FSIP1: variants seen among roughly 807,000 people sequenced by gnomAD.
FSIP1 encodes fibrous sheath-interacting protein 1.
In FSIP1, 65 loss-of-function variants were observed where a neutral mutation model predicts 60.9. That is an observed-to-expected ratio of 1.07 (90% confidence interval 0.87 to 1.31). FSIP1 has a LOEUF of 1.31. FSIP1 is among the 40% of genes most tolerant of loss of function. FSIP1 has a pLI of 0.00. For synonymous variants in FSIP1, 209 were observed against 221.2 expected (o/e 0.94, Z 0.49); for missense variants, 675 against 665.5 (o/e 1.01, Z -0.16).
chr15:39,704,993 T>G (rs895414485), intron 10 of FSIP1, among the ~76,000 whole-genome samples: 1 of 152,054 alleles, frequency 6.6e-6, no homozygotes, highest in African/African-American at 2.4e-5. Flanking sequence ...AGAATGTGGA[T>G]AGAAATAGTA....
chr15:39,633,137 C>T (rs969499804), intron 10 of FSIP1, among the ~76,000 whole-genome samples: 5 of 136,538 alleles, frequency 3.7e-5, no homozygotes, highest in Non-Finnish European at 6.0e-5. Flanking sequence ...TATCGCCAGG[C>T]TGGAGTGCAG....
chr15:39,737,564 C>T (rs556131371), intron 8 of FSIP1, among the ~76,000 whole-genome samples: 2 of 152,152 alleles, frequency 1.3e-5, no homozygotes, highest in African/African-American at 4.8e-5. Flanking sequence ...GTAAACACTG[C>T]TTAGAATGAC....
At chr15:39,718,642 G>A (rs1239058584) in intron 9 of FSIP1, among the ~76,000 whole-genome samples, 1 of 151,798 alleles carries the variant, frequency 6.6e-6, no homozygotes, top group Non-Finnish European at 1.5e-5. Context: ...GACTACAGGT[G>A]CACACCACCT....
intron 8 of FSIP1, among the ~76,000 whole-genome samples, chr15:39,728,331 G>A (rs575150166): frequency 6.6e-6 from 1 of 152,182 alleles, no homozygotes; most frequent in African/African-American, 2.4e-5. Context: ...GATAGCCAAG[G>A]CAATCCTAAG....
intron 1 of FSIP1, among the ~76,000 whole-genome samples, chr15:39,777,571 A>C (rs1898105629): frequency 1.3e-5 from 2 of 152,196 alleles, no homozygotes; most frequent in Admixed American, 6.5e-5. Context: ...GGGTGGCATA[A>C]GCTACAGAGA....
chr15:39,700,399 C>T (rs1405013647), intron 10 of FSIP1, among the ~76,000 whole-genome samples: 3 of 152,050 alleles, frequency 2.0e-5, no homozygotes, highest in Non-Finnish European at 4.4e-5. Context: ...CAGTCTCAGC[C>T]TCTCCCACTA....
intron 10 of FSIP1, among the ~76,000 whole-genome samples, chr15:39,699,670 C>T (rs548156509): frequency 2.0e-5 from 3 of 152,248 alleles, no homozygotes; most frequent in African/African-American, 7.2e-5. Context: ...TCCTGTCATC[C>T]AGAGTGGATG....
intron 10 of FSIP1, among the ~76,000 whole-genome samples, chr15:39,674,495 T>A (rs910283634): frequency 6.6e-6 from 1 of 151,938 alleles, no homozygotes; most frequent in Non-Finnish European, 1.5e-5. Flanking sequence ...CTATCAGATA[T>A]CAGCATTTCT....
At chr15:39,743,768 C>A (rs1476530730) in intron 5 of FSIP1, among the ~76,000 whole-genome samples, 2 of 152,232 alleles carry the variant, frequency 1.3e-5, no homozygotes, top group Admixed American at 1.3e-4. Context: ...CACCGTCATG[C>A]ACTTCCTGAT....
intron 10 of FSIP1, among the ~76,000 whole-genome samples, chr15:39,668,036 CA>C (rs1195302012): frequency 2.6e-5 from 4 of 152,126 alleles, no homozygotes; most frequent in Non-Finnish European, 4.4e-5. Context: ...AATAAACCTA[CA>C]GCAGACAGGA....
rs1891299856 is a variant in FSIP1 at position 39,617,984 on chromosome 15, G to C, written c.1450C>G (p.Leu484Val). The change falls in exon 11 of 12, where the codon CTC becomes GTC. Residue 484 changes from leucine (L) to valine (V), a missense_variant. Coordinates refer to ENST00000350221, the MANE Select transcript of FSIP1 (RefSeq NM_152597.5). ...EECEASKGYYLTKALTGHNMS... is the reference protein window; with the variant it reads ...EECEASKGYYVTKALTGHNMS... ...TTATGTCCAGTCAAGGCTTTAGTGA[G>C]ATAGTAGCCTTTAGAAGCTTCACAT... The C allele has an allele frequency of 6.2e-7, 1 of 1,614,056 alleles. No individual in the cohort carries two copies. Among genetic ancestry groups the C allele is most frequent in the Non-Finnish European group, 8.5e-7 (1 of 1,180,024 alleles).
intron 10 of FSIP1, among the ~76,000 whole-genome samples, chr15:39,625,391 A>G (rs1891597452): frequency 6.6e-6 from 1 of 152,222 alleles, no homozygotes; most frequent in Non-Finnish European, 1.5e-5. Context: ...AAAAAGGGCT[A>G]GAAACATGGC....
At chr15:39,666,667 C>T (rs1893506614) in intron 10 of FSIP1, among the ~76,000 whole-genome samples, 2 of 152,160 alleles carry the variant, frequency 1.3e-5, no homozygotes, top group African/African-American at 2.4e-5. Flanking sequence ...AGCTGCTCCA[C>T]ATCTAAGTGT....
intron 1 of FSIP1, among the ~76,000 whole-genome samples, chr15:39,778,832 A>G (rs893695941): frequency 9.8e-5 from 15 of 152,330 alleles, no homozygotes; most frequent in African/African-American, 3.6e-4. Flanking sequence ...AATAAAAGTA[A>G]AAACTAATTT....
chr15:39,776,503 G>C lies in FSIP1; in HGVS notation c.22C>G (p.Leu8Val), dbSNP rs745705893. 2.0e-5 allele frequency: 32 copies of C among 1,611,396 alleles called. No homozygotes were observed. Among genetic ancestry groups the C allele is most frequent in the Non-Finnish European group, 2.5e-5 (30 of 1,178,122 alleles). ...GAAGCTGGTTTTGAAATTCCATCTA[G>C]GTTTCCCTTTATAATATCCATTGAA... Reference protein sequence around the residue: MDIIKGNLDGISKPASNS... With the variant: MDIIKGNVDGISKPASNS... The change falls in exon 2 of 12, where the codon CTA becomes GTA. Residue 8 changes from leucine (L) to valine (V), a missense_variant. Physicochemically the swap from Leu to Val is conservative, Grantham distance 32. Coordinates refer to ENST00000350221, the MANE Select transcript of FSIP1 (RefSeq NM_152597.5).
chr15:39,737,673 T>A (rs1035077362), intron 8 of FSIP1, among the ~76,000 whole-genome samples: 1 of 152,076 alleles, frequency 6.6e-6, no homozygotes, highest in Non-Finnish European at 1.5e-5. Context: ...TAAAAAAAAA[T>A]TTTAACTTGT....
chr15:39,687,377 C>G (rs954252197), intron 10 of FSIP1, among the ~76,000 whole-genome samples: 11 of 152,146 alleles, frequency 7.2e-5, no homozygotes, highest in Admixed American at 2.0e-4. Flanking sequence ...TGGTCTCAAA[C>G]TCCTGCCCTC....
At chr15:39,601,766 G>T (rs1890648652) in intron 11 of FSIP1, among the ~76,000 whole-genome samples, 1 of 152,194 alleles carries the variant, frequency 6.6e-6, no homozygotes, top group Non-Finnish European at 1.5e-5. Context: ...GATGAATCTT[G>T]AAGACATAAT....
rs201974432 is a variant in FSIP1 at position 39,774,326 on chromosome 15, TA to T, written c.126+2072del. 8.9e-3 allele frequency among the ~76,000 whole-genome samples: 1,352 copies of T among 152,124 alleles called. 21 individuals are homozygous for T. The highest frequency in any genetic ancestry group is 0.031 in the African/African-American group (1,266 of 41,486). ...GGTGAAACCCCATATCTACTAAAAA[TA>T]GAAAAATTAGGTGTGCCTATTGGTG... is the stretch of plus-strand genomic sequence containing the variant. On this transcript the variant is annotated intron_variant, in intron 2 of 11. Transcript: ENST00000350221.
Sources: allele counts gnomAD v4.1 joint callset (sites outside exome capture counted in the v4.1 genomes callset), GRCh38; gene constraint gnomAD v4.1.1; transcripts MANE v1.5; gene names NCBI Gene and HGNC (gene_info 2026-07-23, HGNC 2026-07-21).